The following C3orf49 variants were observed in gnomAD, a reference collection of about 807,000 sequenced individuals.
C3orf49 encodes chromosome 3 open reading frame 49.
C3orf49 carries 27 observed loss-of-function variants against 13.3 expected under a neutral mutation model. That is an observed-to-expected ratio of 2.02 (90% CI 1.49 to 2.79). The LOEUF is 2.79. C3orf49 is among the 30% of genes most tolerant of loss of function. The pLI is 0.00. For synonymous variants in C3orf49, 87 were observed against 47.6 expected (o/e 1.83, Z -3.40); for missense variants, 242 against 134.2 (o/e 1.80, Z -3.97).
chr3:63,797,542 C>G, the C3orf49 span, among the ~76,000 whole-genome samples: 2 of 152,128 alleles, frequency 1.3e-5, no homozygotes, highest in Admixed American at 1.3e-4. Flanking sequence ...CACACAGTTT[C>G]TCACTCTCCT....
chr3:63,806,496 G>A, the C3orf49 span, among the ~76,000 whole-genome samples: 7 of 152,204 alleles, frequency 4.6e-5, no homozygotes, highest in Admixed American at 3.9e-4. Context: ...ATTTCAGTAA[G>A]AGAACAGTAT....
intron 5 of C3orf49, chr3:63,839,833 C>T (rs1701721993): frequency 1.0e-5 from 14 of 1,333,450 alleles, no homozygotes; most frequent in Admixed American, 1.8e-5. Flanking sequence ...GTACAAATAA[C>T]CAGTATCACT....
At chr3:63,800,244 G>A in the C3orf49 span, among the ~76,000 whole-genome samples, 1 of 152,014 alleles carries the variant, frequency 6.6e-6, no homozygotes, top group Non-Finnish European at 1.5e-5. Context: ...CCTCCAAAAC[G>A]GTATCCTCTG....
At chr3:63,840,856 T>C (rs1004881677) in intron 5 of C3orf49, among the ~76,000 whole-genome samples, 4 of 152,212 alleles carry the variant, frequency 2.6e-5, no homozygotes, top group African/African-American at 9.6e-5. Flanking sequence ...AACTGGTAAT[T>C]CTTTGTAGGG....
the C3orf49 span, among the ~76,000 whole-genome samples, chr3:63,803,561 C>T: frequency 1.3e-5 from 2 of 152,226 alleles, no homozygotes; most frequent in Non-Finnish European, 2.9e-5. Flanking sequence ...TACTCCGGCA[C>T]AGCAAGCAGC....
chr3:63,791,816 A>C, the C3orf49 span, among the ~76,000 whole-genome samples: 1 of 152,196 alleles, frequency 6.6e-6, no homozygotes, highest in East Asian at 1.9e-4. Context: ...TTTCTTCCTT[A>C]GTCTCATAAA....
chr3:63,801,820 C>G, the C3orf49 span, among the ~76,000 whole-genome samples: 2 of 152,280 alleles, frequency 1.3e-5, no homozygotes, highest in African/African-American at 4.8e-5. Context: ...CCAAGAAATA[C>G]AACCCTGGGC....
At chr3:63,800,730 T>C in the C3orf49 span, among the ~76,000 whole-genome samples, 1 of 152,178 alleles carries the variant, frequency 6.6e-6, no homozygotes, top group African/African-American at 2.4e-5. Flanking sequence ...TGTCTTGTCC[T>C]TAATTTTGCA....
At chr3:63,844,943 G>A (rs1180574379) in intron 5 of C3orf49, 80 bp from the exon 6 acceptor site, 3 of 594,768 alleles carry the variant, frequency 5.0e-6, no homozygotes, top group Middle Eastern at 2.7e-4. Context: ...ATGTGGAAGC[G>A]GCAAGTGTTG....
At chr3:63,784,259 A>G in the C3orf49 span, among the ~76,000 whole-genome samples, 3 of 152,234 alleles carry the variant, frequency 2.0e-5, no homozygotes, top group African/African-American at 4.8e-5. Flanking sequence ...TTTGTTAAAA[A>G]GTCATTAACA....
chr3:63,837,874 G>T, intron 5 of C3orf49: 1 of 986,390 alleles, frequency 1.0e-6, no homozygotes, highest in Non-Finnish European at 1.5e-6. Context: ...TTTTAATCCA[G>T]GTTGATTCAG....
At chr3:63,835,260 GTATA>G (rs1300603902) in intron 5 of C3orf49, 1 of 1,611,626 alleles carries the variant, frequency 6.2e-7, no homozygotes, top group African/African-American at 1.3e-5. Context: ...CAAATGACCT[GTATA>G]TATAGATATA....
chr3:63,794,975 T>C, the C3orf49 span, among the ~76,000 whole-genome samples: 2 of 152,192 alleles, frequency 1.3e-5, no homozygotes, highest in African/African-American at 4.8e-5. Flanking sequence ...AAATTGGCTG[T>C]CTGCAATAAA....
At chr3:63,828,541 C>A (rs990471584) in intron 3 of C3orf49, among the ~76,000 whole-genome samples, 1 of 152,158 alleles carries the variant, frequency 6.6e-6, no homozygotes, top group Non-Finnish European at 1.5e-5. Context: ...CTCAAGTAAT[C>A]CACCTGCCTT....
the C3orf49 span, among the ~76,000 whole-genome samples, chr3:63,801,002 T>A: frequency 3.3e-5 from 5 of 152,256 alleles, no homozygotes; most frequent in African/African-American, 1.2e-4. Flanking sequence ...CCACAAGCAC[T>A]CTGGCACCAA....
the C3orf49 span, among the ~76,000 whole-genome samples, chr3:63,799,138 T>A: frequency 6.6e-6 from 1 of 152,118 alleles, no homozygotes; most frequent in Admixed American, 6.6e-5. Flanking sequence ...AATCCTATAA[T>A]CTTGAACATG....
intron 5 of C3orf49, among the ~76,000 whole-genome samples, chr3:63,835,800 TCAGGCAA>T (rs1214841789): frequency 6.6e-6 from 1 of 152,094 alleles, no homozygotes; most frequent in Non-Finnish European, 1.5e-5. Flanking sequence ...TACCTCCCAC[TCAGGCAA>T]CTACTATATC....
the C3orf49 span, among the ~76,000 whole-genome samples, chr3:63,800,576 T>C: frequency 1.3e-5 from 2 of 152,302 alleles, no homozygotes; most frequent in Middle Eastern, 3.4e-3. Flanking sequence ...GAACATGTTT[T>C]GAGTGCTTAT....
At chr3:63,841,083 C>T (rs775502353) in intron 5 of C3orf49, among the ~76,000 whole-genome samples, 3 of 152,022 alleles carry the variant, frequency 2.0e-5, no homozygotes, top group Non-Finnish European at 2.9e-5. Context: ...ATAGTATGAG[C>T]CAAAAGAATA....
Sources: gnomAD v4.1 joint callset for allele counts (sites outside exome capture counted in the v4.1 genomes callset) on GRCh38, gnomAD v4.1.1 for gene constraint, MANE v1.5 for transcripts, NCBI Gene and HGNC (gene_info 2026-07-23, HGNC 2026-07-21) for gene names.